Variants in ADGRV1 observed in about 807,000 individuals in gnomAD.
ADGRV1 encodes the protein G-protein coupled receptor 98.
A neutral mutation model predicts 596.2 loss-of-function variants in ADGRV1; 359 were observed. That is an observed-to-expected ratio of 0.60 (90% confidence interval 0.55 to 0.66). The LOEUF (loss-of-function observed/expected upper bound fraction) is 0.66. Among genes scored for constraint, ADGRV1 ranks in the 30% least tolerant of loss-of-function variants. The probability of loss-of-function intolerance (pLI) is 0.00; values close to 1 mark genes in which losing one functional copy is unlikely to be tolerated. For missense variants in ADGRV1, 7,274 were observed against 7,575.6 expected, an observed-to-expected ratio of 0.96 and a Z score of 1.48; for synonymous variants, 2,681 against 2,679.2, an observed-to-expected ratio of 1.00 and a Z score of -0.02.
chr5:90,940,092 C>T (rs768624559), intron 83 of ADGRV1, among the ~76,000 whole-genome samples: 3 of 152,154 alleles, frequency 2.0e-5, no homozygotes, highest in Admixed American at 6.5e-5. Flanking sequence ...TTCTGAAGAA[C>T]TGTTCCTGTA....
intron 83 of ADGRV1, among the ~76,000 whole-genome samples, chr5:90,919,960 C>T (rs1773723432): frequency 7.2e-6 from 1 of 138,130 alleles, no homozygotes; most frequent in South Asian, 2.3e-4. Flanking sequence ...TGCCATTGCA[C>T]TCCAACCTGG....
chr5:91,110,886 T>TG (rs3834815), intron 87 of ADGRV1, among the ~76,000 whole-genome samples: 19,164 of 152,162 alleles, frequency 0.13, 1,360 homozygotes, highest in African/African-American at 0.2. Flanking sequence ...TGTTTCTCTG[T>TG]GACTGACTTG....
chr5:90,738,850 C>T (rs928264327), intron 50 of ADGRV1, among the ~76,000 whole-genome samples: 2 of 152,098 alleles, frequency 1.3e-5, no homozygotes, highest in Non-Finnish European at 2.9e-5. Flanking sequence ...CAGATTTAGG[C>T]ATTTTTCAGC....
chr5:90,699,732 T>C (rs895331987), intron 34 of ADGRV1, among the ~76,000 whole-genome samples: 5 of 152,136 alleles, frequency 3.3e-5, no homozygotes, highest in African/African-American at 1.2e-4. Flanking sequence ...TACCACAACA[T>C]CTTGGAGAAA....
intron 21 of ADGRV1, among the ~76,000 whole-genome samples, chr5:90,664,901 T>C (rs1243802784): frequency 6.6e-5 from 10 of 151,482 alleles, no homozygotes; most frequent in African/African-American, 2.4e-4. Context: ...GCTCTGTTTA[T>C]ATGCTGGATT....
At chr5:91,156,729 T>C (rs1458813803) in intron 89 of ADGRV1, among the ~76,000 whole-genome samples, 3 of 152,166 alleles carry the variant, frequency 2.0e-5, no homozygotes, top group African/African-American at 7.2e-5. Context: ...CTCTAATACT[T>C]GGTTCCCTAT....
chr5:90,633,152 TATGA>T (rs1765714114), intron 9 of ADGRV1, among the ~76,000 whole-genome samples: 1 of 152,172 alleles, frequency 6.6e-6, no homozygotes, highest in African/African-American at 2.4e-5. Context: ...AATGATTCTT[TATGA>T]ATGAATAGAG....
intron 1 of ADGRV1, among the ~76,000 whole-genome samples, chr5:90,589,422 G>T (rs144181282): frequency 5.9e-4 from 90 of 152,288 alleles, no homozygotes; most frequent in African/African-American, 2.0e-3. Flanking sequence ...ATACATGCAT[G>T]TGGAGGGAAA....
chr5:90,687,101 C>G (rs1745771232), intron 29 of ADGRV1, among the ~76,000 whole-genome samples: 1 of 151,996 alleles, frequency 6.6e-6, no homozygotes, highest in African/African-American at 2.4e-5. Context: ...ATTGTAGATT[C>G]TGGATATTAG....
At chr5:90,595,119 C>G (rs112764238) in intron 1 of ADGRV1, among the ~76,000 whole-genome samples, 3 of 127,274 alleles carry the variant, frequency 2.4e-5, no homozygotes, top group African/African-American at 6.5e-5. Context: ...GGGGGCTGAC[C>G]CCCCCACCTC....
At chr5:90,939,650 A>G (rs1000058305) in intron 83 of ADGRV1, among the ~76,000 whole-genome samples, 1 of 152,214 alleles carries the variant, frequency 6.6e-6, no homozygotes, top group Admixed American at 6.5e-5. Context: ...TGGGAATAAT[A>G]TTTAGAATTC....
chr5:91,047,860 C>G (rs1485777079), intron 85 of ADGRV1, among the ~76,000 whole-genome samples: 3 of 152,158 alleles, frequency 2.0e-5, no homozygotes, highest in Admixed American at 2.0e-4. Context: ...CTTGAAACCT[C>G]TAATAATTCT....
chr5:91,061,224 A>G (rs917557408), intron 85 of ADGRV1, among the ~76,000 whole-genome samples: 1 of 152,168 alleles, frequency 6.6e-6, no homozygotes, highest in Non-Finnish European at 1.5e-5. Context: ...CATACATACA[A>G]AAAATAACAA....
At chr5:90,741,170 A>G (rs1048792723) in intron 50 of ADGRV1, among the ~76,000 whole-genome samples, 1 of 151,990 alleles carries the variant, frequency 6.6e-6, no homozygotes, top group African/African-American at 2.4e-5. Flanking sequence ...TGGAATGCCC[A>G]TACCACATTC....
chr5:90,923,482 A>G (rs2150750926), intron 83 of ADGRV1, among the ~76,000 whole-genome samples: 1 of 152,268 alleles, frequency 6.6e-6, no homozygotes, highest in East Asian at 1.9e-4. Context: ...AATATTTACT[A>G]GGATATATAC....
At chr5:91,065,160 A>G (rs1342932324) in intron 85 of ADGRV1, among the ~76,000 whole-genome samples, 1 of 152,228 alleles carries the variant, frequency 6.6e-6, no homozygotes, top group Non-Finnish European at 1.5e-5. Flanking sequence ...AGATCATCCC[A>G]TGTACTCCCC....
In ADGRV1 at chr5:90,763,382, A is replaced by G; in HGVS notation, c.12198A>G (p.Gly4066=). The G allele has an allele frequency of 6.2e-7, 1 of 1,612,570 alleles. No homozygotes were observed. The highest frequency in any genetic ancestry group is 8.5e-7 in the Non-Finnish European group (1 of 1,179,104). Residue 4066 remains glycine, a synonymous_variant, in exon 59 of 90, where the codon GGA becomes GGG. Coordinates refer to ENST00000405460, the MANE Select transcript of ADGRV1 (RefSeq NM_032119.4). ...VTLTVVRSPG[G]KGTVRLEWTI... is the part of the protein sequence containing the mutation. ...TGACGGTTGTCCGGTCCCCAGGAGG[A>G]AAAGGAACCGTCCGACTTGAGTGGA...
At chr5:91,002,080 T>C (rs1325355473) in intron 85 of ADGRV1, among the ~76,000 whole-genome samples, 1 of 152,198 alleles carries the variant, frequency 6.6e-6, no homozygotes, top group East Asian at 1.9e-4. Flanking sequence ...TCATGAATGC[T>C]TATAGATCTT....
At chr5:90,787,195 A>C (rs1759544790) in intron 67 of ADGRV1, among the ~76,000 whole-genome samples, 1 of 152,322 alleles carries the variant, frequency 6.6e-6, no homozygotes, top group African/African-American at 2.4e-5. Context: ...ATTAAGAAGC[A>C]AAAACAAGTG....
Sources: gnomAD v4.1 joint callset for allele counts (sites outside exome capture counted in the v4.1 genomes callset) on GRCh38, gnomAD v4.1.1 for gene constraint, MANE v1.5 for transcripts, NCBI Gene and HGNC (gene_info 2026-07-23, HGNC 2026-07-21) for gene names.